The following NR6A1 variants were observed in gnomAD, a reference collection of about 807,000 sequenced individuals.
The protein encoded by NR6A1 is nuclear receptor subfamily 6 group A member 1.
In NR6A1, 7 loss-of-function variants were observed where a neutral mutation model predicts 59.1. The ratio of observed to expected loss-of-function variants is 0.12; its 90% CI spans 0.07 to 0.22. The LOEUF (loss-of-function observed/expected upper bound fraction) is 0.22. Among genes scored for constraint, NR6A1 ranks in the 10% least tolerant of loss-of-function variants. The probability of loss-of-function intolerance (pLI) is 1.00; values close to 1 mark genes in which losing one functional copy is unlikely to be tolerated. For synonymous variants in NR6A1, 243 were observed against 236.1 expected (o/e 1.03, Z -0.27); for missense variants, 468 against 611.6 (o/e 0.77, Z 2.48).
chr9:124,658,610 C>G (rs1183680582), intron 2 of NR6A1: 1 of 152,184 alleles, frequency 6.6e-6, no homozygotes, highest in Non-Finnish European at 1.5e-5. Flanking sequence ...AAGTTGTCCT[C>G]TAGCCACAGC....
intron 1 of NR6A1, among the ~76,000 whole-genome samples, chr9:124,764,712 T>G (rs1443113410): frequency 6.6e-6 from 1 of 152,236 alleles, no homozygotes; most frequent in Non-Finnish European, 1.5e-5. Flanking sequence ...TCCAATGTGC[T>G]ATAGCTATTA....
chr9:124,668,420 G>A (rs1000081477), intron 2 of NR6A1, among the ~76,000 whole-genome samples: 38 of 152,046 alleles, frequency 2.5e-4, no homozygotes, highest in Non-Finnish European at 5.1e-4. Flanking sequence ...GTGGACCTGC[G>A]TGATTCAAAT....
At chr9:124,600,558 G>A (rs1474768954) in intron 2 of NR6A1, among the ~76,000 whole-genome samples, 1 of 152,202 alleles carries the variant, frequency 6.6e-6, no homozygotes, top group Non-Finnish European at 1.5e-5. Flanking sequence ...TAGGCACTAT[G>A]CTGGCTATGA....
At chr9:124,684,518 C>A (rs575002581) in intron 2 of NR6A1, among the ~76,000 whole-genome samples, 2 of 152,174 alleles carry the variant, frequency 1.3e-5, no homozygotes, top group Non-Finnish European at 2.9e-5. Flanking sequence ...GACACCAACT[C>A]TCTCCTGAGG....
At position 124,518,467 on chromosome 9, in the gene NR6A1, G is replaced by T. The variant is rs1193782934; in HGVS notation, c.*4238C>A. ...TGTGGCAGCCTAGAGAGGAGTTTCT[G>T]GGGATCCTGTAATTAAATACACATC... On this transcript the variant is annotated 3_prime_UTR_variant, in exon 10 of 10. Coordinates refer to ENST00000487099, the MANE Select transcript of NR6A1 (RefSeq NM_033334.4). 3.3e-5 allele frequency: 5 copies of T among 151,994 alleles called. No homozygotes were observed. Among genetic ancestry groups the T allele is most frequent in the Non-Finnish European group, 7.4e-5 (5 of 68,012 alleles). The allele number at this position is 151,994 out of a possible 1,614,324, so 9.4% of individuals were successfully genotyped here.
intron 2 of NR6A1, among the ~76,000 whole-genome samples, chr9:124,562,088 T>C (rs1020809069): frequency 6.6e-6 from 1 of 152,208 alleles, no homozygotes; most frequent in Non-Finnish European, 1.5e-5. Flanking sequence ...ACAATTGGCA[T>C]ATAAAGTCAT....
At chr9:124,563,535 A>G (rs1447533257) in intron 2 of NR6A1, among the ~76,000 whole-genome samples, 1 of 152,200 alleles carries the variant, frequency 6.6e-6, no homozygotes, top group African/African-American at 2.4e-5. Context: ...CAGATTTGCT[A>G]GGGATGAAAT....
chr9:124,689,198 TAAC>T (rs1163076005), intron 2 of NR6A1, among the ~76,000 whole-genome samples: 5 of 152,172 alleles, frequency 3.3e-5, no homozygotes, highest in East Asian at 3.8e-4. Flanking sequence ...TAAATTATCT[TAAC>T]AACTTAAATA....
At position 124,522,458 on chromosome 9, in the gene NR6A1, T is replaced by A; in HGVS notation, c.*247A>T. Reference sequence around the variant, plus strand: ...ATTCTGTAAACTGTAAGAAAATGCATTGGCTGCATTCACACAAAAGCATGT... The same window carrying A: ...ATTCTGTAAACTGTAAGAAAATGCAATGGCTGCATTCACACAAAAGCATGT... On this transcript the variant is annotated 3_prime_UTR_variant, in exon 10 of 10. Coordinates refer to ENST00000487099, the MANE Select transcript of NR6A1 (RefSeq NM_033334.4). The A allele has an allele frequency of 3.1e-6, 1 of 322,904 alleles. No individual in the cohort carries two copies. Among genetic ancestry groups the A allele is most frequent in the Non-Finnish European group, 6.0e-6 (1 of 167,964 alleles). 20.0% of individuals were successfully genotyped at this position (322,904 alleles called of 1,614,324 possible).
At chr9:124,680,145 G>C (rs1838099789) in intron 2 of NR6A1, among the ~76,000 whole-genome samples, 1 of 151,504 alleles carries the variant, frequency 6.6e-6, no homozygotes, top group Admixed American at 6.6e-5. Context: ...TGTAAATCGT[G>C]ATGTGTGACA....
At position 124,521,297 on chromosome 9, in the gene NR6A1, C is replaced by T. The variant is rs1832797360; in HGVS notation, c.*1408G>A. 1 of 152,534 alleles carries T rather than the reference C, an allele frequency of 6.6e-6. No homozygotes were observed. Among genetic ancestry groups the T allele is most frequent in the Admixed American group, 6.5e-5 (1 of 15,278 alleles). 9.4% of individuals were successfully genotyped at this position (152,534 alleles called of 1,614,324 possible). ...GCAGGTAGTGAGAGGTCAAGGAGTC[C>T]AGGCCATGTCTGCAGAGGTAGCAGC... On this transcript the variant is annotated 3_prime_UTR_variant, in exon 10 of 10. Coordinates refer to ENST00000487099, the MANE Select transcript of NR6A1 (RefSeq NM_033334.4).
chr9:124,742,985 TG>T lies in NR6A1; in HGVS notation c.101-9637del, dbSNP rs572958138. 2.0e-4 allele frequency among the ~76,000 whole-genome samples: 31 copies of T among 152,114 alleles called. 1 individual carries two copies. The highest frequency in any genetic ancestry group is 5.8e-4 in the African/African-American group (24 of 41,428). On this transcript the variant is annotated intron_variant, in intron 1 of 9. Transcript: ENST00000487099. ...CCTTTAGATTCTAGAAACTTCCCTT[TG>T]GGGGGGCCCTTCCTCCACTCTATCT...
intron 2 of NR6A1, among the ~76,000 whole-genome samples, chr9:124,655,038 C>A (rs751894196): frequency 2.6e-5 from 4 of 152,074 alleles, no homozygotes; most frequent in South Asian, 2.1e-4. Context: ...AGAGCCTTTG[C>A]CAACTGAGTT....
chr9:124,739,730 T>A (rs1037520549), intron 1 of NR6A1, among the ~76,000 whole-genome samples: 14 of 152,264 alleles, frequency 9.2e-5, no homozygotes, highest in African/African-American at 2.9e-4. Context: ...ATTTTGACTA[T>A]AAAATTGTAA....
chr9:124,766,754 G>A (rs1840945748), intron 1 of NR6A1, among the ~76,000 whole-genome samples: 1 of 152,198 alleles, frequency 6.6e-6, no homozygotes, highest in South Asian at 2.1e-4. Flanking sequence ...AGATCTCGAT[G>A]AATTTGCTGA....
At chr9:124,657,644 G>C (rs1350885281) in intron 2 of NR6A1, among the ~76,000 whole-genome samples, 1 of 152,194 alleles carries the variant, frequency 6.6e-6, no homozygotes, top group East Asian at 1.9e-4. Flanking sequence ...TAAACCCCAA[G>C]GACCCTAGTT....
At chr9:124,572,214 T>C (rs1482092132) in intron 2 of NR6A1, among the ~76,000 whole-genome samples, 2 of 152,192 alleles carry the variant, frequency 1.3e-5, no homozygotes, top group African/African-American at 2.4e-5. Context: ...TCAATCGATA[T>C]AAATATTTTA....
At chr9:124,765,332 G>C (rs1840900352) in intron 1 of NR6A1, among the ~76,000 whole-genome samples, 1 of 152,008 alleles carries the variant, frequency 6.6e-6, no homozygotes, top group African/African-American at 2.4e-5. Context: ...TTTCTCTTTT[G>C]AAATCGTGAC....
intron 2 of NR6A1, among the ~76,000 whole-genome samples, chr9:124,577,043 G>A (rs574303738): frequency 5.3e-5 from 8 of 152,226 alleles, no homozygotes; most frequent in African/African-American, 1.4e-4. Context: ...GGAACAGAGC[G>A]AGACCTCATC....
Sources: gnomAD v4.1 joint callset for allele counts (sites outside exome capture counted in the v4.1 genomes callset) on GRCh38, gnomAD v4.1.1 for gene constraint, MANE v1.5 for transcripts, NCBI Gene and HGNC (gene_info 2026-07-23, HGNC 2026-07-21) for gene names.